RFX2: variants seen among roughly 807,000 people sequenced by gnomAD.
The protein encoded by RFX2 is regulatory factor X2.
RFX2 carries 20 observed loss-of-function variants against 87.8 expected under a neutral mutation model. The ratio of observed to expected loss-of-function variants is 0.23; its 90% CI spans 0.16 to 0.33. The LOEUF (loss-of-function observed/expected upper bound fraction) is 0.33, where lower values mean the gene tolerates loss of function less well. Ranked by LOEUF, RFX2 falls within the 10% of genes least tolerant of loss-of-function variation. RFX2 has a pLI of 1.00. For synonymous variants in RFX2, 397 were observed against 431.3 expected, an observed-to-expected ratio of 0.92 and a Z score of 0.98; for missense variants, 767 against 1,012.3, an observed-to-expected ratio of 0.76 and a Z score of 3.29.
chr19:6,079,783 GGCCGAT>G (rs1353033461), intron 1 of RFX2, among the ~76,000 whole-genome samples: 1 of 151,880 alleles, frequency 6.6e-6, no homozygotes, highest in African/African-American at 2.4e-5. Context: ...CTACTTGGGA[GGCCGAT>G]GCAGGAAAAT....
intron 6 of RFX2, among the ~76,000 whole-genome samples, chr19:6,019,532 GTGTGTGTGTGTGTA>G (rs1016712162): frequency 1.4e-5 from 2 of 146,096 alleles, no homozygotes; most frequent in African/African-American, 2.6e-5. Context: ...GTGTGTGTGT[GTGTGTGTGTGTGTA>G]TATACTTTTA....
intron 1 of RFX2, among the ~76,000 whole-genome samples, chr19:6,105,043 G>C (rs1295679672): frequency 2.6e-5 from 4 of 151,526 alleles, no homozygotes; most frequent in Admixed American, 2.0e-4. Context: ...GCTTGAACCT[G>C]GGTGTCAGAG....
intron 1 of RFX2, among the ~76,000 whole-genome samples, chr19:6,091,531 C>T (rs564995428): frequency 6.6e-6 from 1 of 152,060 alleles, no homozygotes; most frequent in Non-Finnish European, 1.5e-5. Flanking sequence ...CAAATGCCAG[C>T]CACGAAGAGA....
At chr19:5,995,019 G>A (rs1372628213) in intron 17 of RFX2, 69 bp from the exon 18 acceptor site, 23 of 1,281,012 alleles carry the variant, frequency 1.8e-5, no homozygotes, top group South Asian at 9.7e-5. Flanking sequence ...GGAAGTGCAC[G>A]TTCCGAGAAC....
intron 1 of RFX2, among the ~76,000 whole-genome samples, chr19:6,048,953 T>C (rs1319020922): frequency 6.8e-6 from 1 of 147,792 alleles, no homozygotes; most frequent in Non-Finnish European, 1.5e-5. Flanking sequence ...TTTTCTGTTC[T>C]GTGTGAGCCT....
intron 6 of RFX2, among the ~76,000 whole-genome samples, chr19:6,018,073 T>TGCAACAACCACTTC (rs2086755101): frequency 6.6e-6 from 1 of 152,068 alleles, no homozygotes; most frequent in South Asian, 2.1e-4. Context: ...CTTCCAGGCT[T>TGCAACAACCACTTC]CAAGTGATTC....
intron 1 of RFX2, among the ~76,000 whole-genome samples, chr19:6,087,667 C>G (rs997190945): frequency 3.5e-4 from 53 of 152,274 alleles, no homozygotes; most frequent in Middle Eastern, 3.4e-3. Flanking sequence ...CCTAGCAATG[C>G]CTTCACTCTA....
rs543599408 is a variant in RFX2 at position 6,013,476 on chromosome 19, G to A, written c.780-371C>T. On this transcript the variant is annotated intron_variant, in intron 7 of 17. Transcript: ENST00000303657. The surrounding 1 kb of genome is among the most constrained non-coding windows in gnomAD (Gnocchi z 4.1). Reference sequence around the variant, plus strand: ...GCTGGGATTACAGGCGTGAGCCACTGCGCCTGGCCTCTTCTCTCTTTTTTT... The same window carrying A: ...GCTGGGATTACAGGCGTGAGCCACTACGCCTGGCCTCTTCTCTCTTTTTTT... 1.3e-5 allele frequency among the ~76,000 whole-genome samples: 2 copies of A among 150,574 alleles called. No individual in the cohort carries two copies. The highest frequency in any genetic ancestry group is 6.6e-5 in the Admixed American group (1 of 15,196).
In RFX2 at chr19:5,999,361, G is replaced by A. The variant is rs537894941; in HGVS notation, c.1860-2148C>T. 6.6e-6 allele frequency among the ~76,000 whole-genome samples: 1 copy of A among 152,264 alleles called. No individual in the cohort carries two copies. Among genetic ancestry groups the A allele is most frequent in the South Asian group, 2.1e-4 (1 of 4,824 alleles). ...CCCCGATCCCCTCCAGCTCTGAGCT[G>A]TGCTCTTCTCTGGCTGGCAGGCACC... On this transcript the variant is annotated intron_variant, in intron 15 of 17. Transcript: ENST00000303657. The surrounding 1 kb of genome is among the most constrained non-coding windows in gnomAD (Gnocchi z 4.1).
rs1397172319 is a variant in RFX2 at position 5,997,832 on chromosome 19, A to C, written c.1860-619T>G. Among the ~76,000 whole-genome samples the C allele has an allele frequency of 6.6e-6, 1 of 152,220 alleles. No individual in the cohort carries two copies. Among genetic ancestry groups the C allele is most frequent in the Admixed American group, 6.5e-5 (1 of 15,280 alleles). Reference sequence around the variant, plus strand: ...CTTTACATTTTGAAATGGTTGGAAAAAGTCAAAAGAATAATTATATTCGGT... The same window carrying C: ...CTTTACATTTTGAAATGGTTGGAAACAGTCAAAAGAATAATTATATTCGGT... On this transcript the variant is annotated intron_variant, in intron 15 of 17. Transcript: ENST00000303657. This position sits in a 1 kb window ranked among gnomAD's most constrained non-coding sequence, Gnocchi z 4.2.
chr19:6,107,034 G>A (rs1366069797), intron 1 of RFX2, among the ~76,000 whole-genome samples: 1 of 151,632 alleles, frequency 6.6e-6, no homozygotes, highest in African/African-American at 2.4e-5. Context: ...GGTGGCTCAC[G>A]CCTATAATCC....
In RFX2 at chr19:6,002,119, G is replaced by A; in HGVS notation, c.1651-96C>T. On this transcript the variant is annotated intron_variant, in intron 14 of 17. Coordinates refer to ENST00000303657, the MANE Select transcript of RFX2 (RefSeq NM_000635.4). This position sits in a 1 kb window ranked among gnomAD's most constrained non-coding sequence, Gnocchi z 6.7. ...CATGCTCAGGGCGGGACATCGTGCT[G>A]TGCTTGAGCCTTCTCGCCCTTGACC... 9.0e-7 allele frequency: 1 copy of A among 1,113,508 alleles called. No homozygotes were observed. Among genetic ancestry groups the A allele is most frequent in the Non-Finnish European group, 1.2e-6 (1 of 803,400 alleles). 69.0% of individuals were successfully genotyped at this position (1,113,508 alleles called of 1,614,324 possible).
Position 6,047,035 on chromosome 19 carries a change from G to A in RFX2, c.90+372C>T, listed in dbSNP as rs1360172749. Among the ~76,000 whole-genome samples, 1 of 151,662 alleles carries A rather than the reference G, an allele frequency of 6.6e-6. No individual in the cohort carries two copies. The highest frequency in any genetic ancestry group is 1.5e-5 in the Non-Finnish European group (1 of 67,922). ...CCAGTCTCAGTCTCCCAAAGTGCTGGGATTACCTGTGTGAGCCACTGCACC... is the reference window on the plus strand; with the variant it reads ...CCAGTCTCAGTCTCCCAAAGTGCTGAGATTACCTGTGTGAGCCACTGCACC... On this transcript the variant is annotated intron_variant, in intron 2 of 17. Coordinates refer to ENST00000303657, the MANE Select transcript of RFX2 (RefSeq NM_000635.4). The surrounding 1 kb of genome is among the most constrained non-coding windows in gnomAD (Gnocchi z 4.2).
chr19:6,015,964 A>G (rs1010220649), intron 7 of RFX2, 126 bp downstream of exon 7: 14 of 814,056 alleles, frequency 1.7e-5, no homozygotes, highest in Admixed American at 3.4e-5. Context: ...AGTAACTGCA[A>G]GCACTCCAGA....
chr19:6,003,309 C>T (rs555570274), intron 13 of RFX2, among the ~76,000 whole-genome samples: 2 of 152,260 alleles, frequency 1.3e-5, no homozygotes, highest in African/African-American at 4.8e-5. Context: ...AAATGATCCT[C>T]CAGTCTCTGT....
intron 5 of RFX2, among the ~76,000 whole-genome samples, chr19:6,034,925 C>T (rs550372312): frequency 6.6e-6 from 1 of 152,236 alleles, no homozygotes; most frequent in South Asian, 2.1e-4. Context: ...TATCGGGTAT[C>T]ATAAGACACC....
intron 15 of RFX2, among the ~76,000 whole-genome samples, chr19:6,000,250 G>A (rs2086473804): frequency 6.6e-6 from 1 of 152,226 alleles, no homozygotes; most frequent in African/African-American, 2.4e-5. Context: ...CTCCCAAAGT[G>A]TGGGGATTAC....
At chr19:6,099,997 T>C (rs1317573869) in intron 1 of RFX2, among the ~76,000 whole-genome samples, 1 of 152,176 alleles carries the variant, frequency 6.6e-6, no homozygotes, top group South Asian at 2.1e-4. Context: ...CCAAGAATAA[T>C]CTGGCCCCAA....
At chr19:6,054,286 A>C (rs913728952) in intron 1 of RFX2, among the ~76,000 whole-genome samples, 4 of 152,188 alleles carry the variant, frequency 2.6e-5, no homozygotes, top group South Asian at 2.1e-4. Flanking sequence ...AACTTCAGGC[A>C]CATATAGTTT....
Sources: gnomAD v4.1 joint callset for allele counts (sites outside exome capture counted in the v4.1 genomes callset) on GRCh38, gnomAD v4.1.1 for gene constraint, Gnocchi (gnomAD v3.1) non-coding constraint, MANE v1.5 for transcripts, NCBI Gene and HGNC (gene_info 2026-07-23, HGNC 2026-07-21) for gene names.